The following CSMD3 variants were observed in gnomAD, a reference collection of about 807,000 sequenced individuals.
CSMD3 encodes the protein CUB and sushi domain-containing protein 3.
CSMD3 carries 177 observed loss-of-function variants against 435.2 expected under a neutral mutation model. The observed-to-expected ratio is 0.41, with a 90% confidence interval of 0.36 to 0.46. The LOEUF is 0.46. CSMD3 is among the 20% of genes least tolerant of loss of function. CSMD3 has a pLI of 0.34. For missense variants in CSMD3, 4,265 were observed against 4,504.6 expected (o/e 0.95, Z 1.52); for synonymous variants, 1,656 against 1,520.5 (o/e 1.09, Z -2.07).
At chr8:112,267,111 C>T (rs1234401972) in intron 59 of CSMD3, among the ~76,000 whole-genome samples, 1 of 151,962 alleles carries the variant, frequency 6.6e-6, no homozygotes, top group Non-Finnish European at 1.5e-5. Context: ...CATGGAAGAC[C>T]TTAAGAACAC....
intron 6 of CSMD3, among the ~76,000 whole-genome samples, chr8:112,983,336 A>T (rs1749851624): frequency 6.6e-6 from 1 of 151,652 alleles, no homozygotes; most frequent in African/African-American, 2.4e-5. Flanking sequence ...TGGAAGTGTC[A>T]TCATTTTTCA....
rs1206986807 is a variant in CSMD3, at chr8:112,573,488, C to G, written c.4042+13G>C. 1.2e-6 allele frequency: 2 copies of G among 1,608,644 alleles called. No homozygotes were observed. Among genetic ancestry groups the G allele is most frequent in the Non-Finnish European group, 8.5e-7 (1 of 1,175,244 alleles). The stretch of plus-strand genomic sequence containing the variant: ...CCCAGTGTTTGGCCATTTTACTCTT[C>G]TAAAATACTTACTGGTATACACAAG... On this transcript the variant is annotated intron_variant, in intron 24 of 70. Coordinates refer to ENST00000297405, the MANE Select transcript of CSMD3 (RefSeq NM_198123.2).
At chr8:113,209,694 A>G (rs1388635127) in intron 3 of CSMD3, among the ~76,000 whole-genome samples, 3 of 152,148 alleles carry the variant, frequency 2.0e-5, no homozygotes, top group African/African-American at 7.2e-5. Context: ...AGCAGAAAAC[A>G]CAAAGGATAT....
intron 63 of CSMD3, 55 bp downstream of exon 63, chr8:112,254,198 C>A: frequency 8.1e-7 from 1 of 1,230,980 alleles, no homozygotes; most frequent in South Asian, 1.2e-5. Context: ...GCATATGAAC[C>A]AAAGACGCAT....
intron 4 of CSMD3, among the ~76,000 whole-genome samples, chr8:113,101,483 T>G (rs1040781431): frequency 6.6e-6 from 1 of 152,026 alleles, no homozygotes; most frequent in Non-Finnish European, 1.5e-5. Flanking sequence ...ATATATTATA[T>G]TCCGTAAGCT....
intron 7 of CSMD3, among the ~76,000 whole-genome samples, chr8:112,965,565 C>T (rs1033031706): frequency 6.6e-6 from 1 of 151,824 alleles, no homozygotes; most frequent in African/African-American, 2.4e-5. Context: ...ATAGGACTAA[C>T]TCAAAAGCAT....
intron 51 of CSMD3, 134 bp downstream of exon 51, chr8:112,305,873 T>C: frequency 1.3e-6 from 1 of 782,192 alleles, no homozygotes; most frequent in Admixed American, 1.9e-5. Flanking sequence ...GATAGCTTAC[T>C]TAACTTTTAT....
chr8:112,292,767 A>T (rs577429552), intron 54 of CSMD3, 57 bp from the exon 55 acceptor site: 2 of 1,439,286 alleles, frequency 1.4e-6, no homozygotes, highest in South Asian at 2.3e-5. Flanking sequence ...ATATTTAGTT[A>T]TCAGTTATTG....
chr8:113,256,761 C>A (rs562133041), intron 3 of CSMD3, among the ~76,000 whole-genome samples: 1 of 152,198 alleles, frequency 6.6e-6, no homozygotes, highest in East Asian at 1.9e-4. Flanking sequence ...AGTGATGATA[C>A]TTTGGAATAA....
intron 35 of CSMD3, among the ~76,000 whole-genome samples, chr8:112,399,631 T>C (rs1437423433): frequency 6.6e-6 from 1 of 152,142 alleles, no homozygotes; most frequent in East Asian, 1.9e-4. Flanking sequence ...CATTAACACT[T>C]TGCTTAGATA....
At chr8:112,498,270 G>C (rs1455919483) in intron 30 of CSMD3, among the ~76,000 whole-genome samples, 1 of 151,944 alleles carries the variant, frequency 6.6e-6, no homozygotes, top group Non-Finnish European at 1.5e-5. Context: ...CTACTCATGA[G>C]GTCTAATCAT....
At chr8:112,666,875 A>T (rs937853071) in intron 16 of CSMD3, among the ~76,000 whole-genome samples, 2 of 151,956 alleles carry the variant, frequency 1.3e-5, no homozygotes, top group African/African-American at 4.8e-5. Flanking sequence ...TTTTTACCTT[A>T]TTTCTCATCT....
chr8:112,789,608 A>T (rs1587300399), intron 13 of CSMD3, among the ~76,000 whole-genome samples: 1 of 142,002 alleles, frequency 7.0e-6, no homozygotes, highest in African/African-American at 2.5e-5. Context: ...ATATTATGTT[A>T]GTATATGACA....
intron 1 of CSMD3, among the ~76,000 whole-genome samples, chr8:113,320,275 T>C (rs2093940419): frequency 6.6e-6 from 1 of 152,106 alleles, no homozygotes; most frequent in Non-Finnish European, 1.5e-5. Flanking sequence ...TATCTTTTAA[T>C]GTGCACTTAA....
chr8:112,862,201 A>G (rs1304136999), intron 10 of CSMD3, among the ~76,000 whole-genome samples: 1 of 152,188 alleles, frequency 6.6e-6, no homozygotes, highest in Non-Finnish European at 1.5e-5. Context: ...CAAACCTGAC[A>G]GTAACCACTT....
intron 38 of CSMD3, among the ~76,000 whole-genome samples, chr8:112,374,651 G>A (rs189963438): frequency 6.6e-6 from 1 of 152,126 alleles, no homozygotes; most frequent in East Asian, 1.9e-4. Context: ...AATTCAGGAA[G>A]TTTTCAAATA....
intron 3 of CSMD3, among the ~76,000 whole-genome samples, chr8:113,199,013 T>C (rs2092690031): frequency 6.6e-6 from 1 of 150,928 alleles, no homozygotes; most frequent in South Asian, 2.1e-4. Flanking sequence ...ACTCTCATTA[T>C]GCTAATTGGA....
intron 54 of CSMD3, among the ~76,000 whole-genome samples, chr8:112,294,303 G>A (rs1314252257): frequency 6.6e-6 from 1 of 151,956 alleles, no homozygotes; most frequent in Admixed American, 6.6e-5. Flanking sequence ...AATATTTCCT[G>A]TGAACGCATA....
At chr8:112,314,667 T>G in intron 47 of CSMD3, 50 bp from the exon 48 acceptor site, 1 of 1,294,898 alleles carries the variant, frequency 7.7e-7, no homozygotes, top group Non-Finnish European at 1.1e-6. Flanking sequence ...AGAGCCTCAG[T>G]GAAAACTGTA....
Sources: allele counts gnomAD v4.1 joint callset (sites outside exome capture counted in the v4.1 genomes callset), GRCh38; gene constraint gnomAD v4.1.1; transcripts MANE v1.5; gene names NCBI Gene and HGNC (gene_info 2026-07-23, HGNC 2026-07-21).